COPA: variants seen among roughly 807,000 people sequenced by gnomAD.
The protein encoded by COPA is coatomer subunit alpha.
A neutral mutation model predicts 158.7 loss-of-function variants in COPA; 10 were observed. That is an observed-to-expected ratio of 0.06 (90% CI 0.04 to 0.11). The LOEUF is 0.11. Among genes scored for constraint, COPA ranks in the 10% least tolerant of loss-of-function variants. The pLI is 1.00. For synonymous variants in COPA, 462 were observed against 542.8 expected, an observed-to-expected ratio of 0.85 and a Z score of 2.07; for missense variants, 1,065 against 1,536.7, an observed-to-expected ratio of 0.69 and a Z score of 5.13.
Position 160,291,829 on chromosome 1 carries a change from C to A in COPA, c.3248G>T (p.Arg1083Leu), listed in dbSNP as rs141211632. Residue 1083 changes from arginine to leucine, a missense_variant, in exon 30 of 33, where the codon CGC becomes CTC. Coordinates refer to ENST00000241704, the MANE Select transcript of COPA (RefSeq NM_004371.4). ...TCCTATAGATCTTACCTCACAGATGCGCTTCTGCTGTTCTAGAGTCTCTTT... is the reference window on the plus strand; with the variant it reads ...TCCTATAGATCTTACCTCACAGATGAGCTTCTGCTGTTCTAGAGTCTCTTT... Reference protein sequence around the residue: ...LPKETLEQQKRICEMAAYFTH... With the variant: ...LPKETLEQQKLICEMAAYFTH... The A allele has an allele frequency of 7.6e-5, 122 of 1,613,942 alleles. No homozygotes were observed. Among genetic ancestry groups the A allele is most frequent in the Middle Eastern group, 6.6e-4 (4 of 6,084 alleles).
At chr1:160,294,398 T>C in intron 25 of COPA, 86 bp downstream of exon 25, 1 of 1,176,106 alleles carries the variant, frequency 8.5e-7, no homozygotes. Context: ...ATAGGAGACC[T>C]GAGGATAGTG....
chr1:160,323,344 A>G (rs1659388715), intron 8 of COPA, 87 bp downstream of exon 8: 3 of 944,280 alleles, frequency 3.2e-6, no homozygotes, highest in Non-Finnish European at 3.1e-6. Context: ...AGGTAGAAAA[A>G]TAGGTCAGAG....
intron 1 of COPA, among the ~76,000 whole-genome samples, chr1:160,342,211 G>C (rs923181375): frequency 1.3e-5 from 2 of 152,160 alleles, no homozygotes; most frequent in African/African-American, 4.8e-5. Flanking sequence ...AGTCATCCAA[G>C]TCACAGCTTG....
chr1:160,318,468 T>TTA (rs1659218473), intron 8 of COPA, among the ~76,000 whole-genome samples: 1 of 15,670 alleles, frequency 6.4e-5, no homozygotes, highest in Admixed American at 8.2e-4. Flanking sequence ...ACAATATTTG[T>TTA]AAAAAAAAAA....
chr1:160,311,209 G>A (rs1300722997), intron 11 of COPA, among the ~76,000 whole-genome samples: 2 of 151,986 alleles, frequency 1.3e-5, no homozygotes, highest in Non-Finnish European at 2.9e-5. Context: ...GGGAGGCCGA[G>A]GTGGGCGGAT....
chr1:160,312,384 C>T (rs983321788), intron 10 of COPA, among the ~76,000 whole-genome samples: 3 of 152,040 alleles, frequency 2.0e-5, no homozygotes, highest in African/African-American at 7.3e-5. Flanking sequence ...CCATCCTTCC[C>T]CAGTCTCTAG....
rs754847456 is a variant in COPA at position 160,335,293 on chromosome 1, A to C, written c.258T>G (p.Leu86=). 1 of 1,612,766 alleles carries C rather than the reference A, an allele frequency of 6.2e-7. No homozygotes were observed. The highest frequency in any genetic ancestry group is 1.1e-5 in the South Asian group (1 of 90,716). Reference sequence around the variant, plus strand: ...AATCTAAGTGCCCAAGCAATGTGAAAAGACAGCGCCGAAGCTTGTAATTCC... The same window carrying C: ...AATCTAAGTGCCCAAGCAATGTGAACAGACAGCGCCGAAGCTTGTAATTCC... ...KVWNYKLRRC[L]FTLLGHLDYI... Residue 86 remains leucine, a synonymous_variant, in exon 4 of 33, where the codon CTT becomes CTG. Transcript: ENST00000241704.
intron 5 of COPA, 123 bp from the exon 6 acceptor site, chr1:160,332,680 G>T: frequency 1.8e-6 from 1 of 570,472 alleles, no homozygotes; most frequent in Admixed American, 3.5e-5. Flanking sequence ...GACAAAGGCA[G>T]GTCATCCTAC....
rs993396919 is a variant in COPA at position 160,301,895 on chromosome 1, C to T, written c.1668-2631G>A. 7.9e-5 allele frequency among the ~76,000 whole-genome samples: 12 copies of T among 151,636 alleles called. No individual in the cohort carries two copies. The South Asian group carries it at 2.5e-3, about 32-fold the overall frequency. ...CTTAGCAAAAAGAAATAGCAAAATT[C>T]CTTCATAGAAAAGGGATATACATTT... On this transcript the variant is annotated intron_variant, in intron 17 of 32. Transcript: ENST00000241704.
intron 32 of COPA, 128 bp from the exon 33 acceptor site, chr1:160,290,344 G>A (rs1163039039): frequency 8.1e-6 from 11 of 1,357,482 alleles, no homozygotes; most frequent in South Asian, 4.0e-5. Flanking sequence ...GACTGGCCAA[G>A]AGCAGTGGGG....
At chr1:160,318,975 CA>C (rs140148350) in intron 8 of COPA, among the ~76,000 whole-genome samples, 5,023 of 147,714 alleles carry the variant, frequency 0.034, 272 homozygotes, top group African/African-American at 0.12. Flanking sequence ...AGAGAAGCCT[CA>C]AAAAAAAACA....
chr1:160,309,718 G>C (rs976181419), intron 12 of COPA, among the ~76,000 whole-genome samples: 1 of 149,938 alleles, frequency 6.7e-6, no homozygotes, highest in East Asian at 2.0e-4. Flanking sequence ...TGGCCACGAG[G>C]GCACTAAAAT....
Position 160,332,524 on chromosome 1 carries a change from A to G in COPA, c.420T>C (p.Cys140=). 1.2e-6 allele frequency: 2 copies of G among 1,613,538 alleles called. No homozygotes were observed. Among genetic ancestry groups the G allele is most frequent in the Non-Finnish European group, 1.7e-6 (2 of 1,179,896 alleles). The change falls in exon 6 of 33, where the codon TGT becomes TGC. Residue 140 remains cysteine (C), a synonymous_variant. Coordinates refer to ENST00000241704, the MANE Select transcript of COPA (RefSeq NM_004371.4). ...VLTGHNHYVM[C]AQFHPTEDLV... is the part of the protein sequence containing the mutation. ...AGTCTTCTGTGGGGTGGAACTGAGC[A>G]CACATCACATAATGGTTGTGCCCTG...
At chr1:160,301,467 T>C (rs1204344529) in intron 17 of COPA, among the ~76,000 whole-genome samples, 1 of 152,178 alleles carries the variant, frequency 6.6e-6, no homozygotes, top group Non-Finnish European at 1.5e-5. Context: ...TGCAGAAAAG[T>C]TATTTAATAA....
intron 1 of COPA, among the ~76,000 whole-genome samples, chr1:160,342,887 G>C (rs1648155815): frequency 6.6e-6 from 1 of 152,108 alleles, no homozygotes; most frequent in Admixed American, 6.6e-5. Flanking sequence ...AATAGGGAGG[G>C]GGTCTAAGGA....
intron 11 of COPA, among the ~76,000 whole-genome samples, chr1:160,310,689 T>TTTG (rs1658936735): frequency 6.6e-6 from 1 of 152,178 alleles, no homozygotes; most frequent in African/African-American, 2.4e-5. Context: ...AAAGGGTGGT[T>TTTG]ATCAAAACCT....
intron 1 of COPA, among the ~76,000 whole-genome samples, chr1:160,342,059 T>C (rs1416675546): frequency 6.6e-6 from 1 of 152,188 alleles, no homozygotes; most frequent in Non-Finnish European, 1.5e-5. Context: ...TATTCACACA[T>C]TGATAACAAC....
At chr1:160,310,015 AAT>A (rs1658913534) in intron 12 of COPA, among the ~76,000 whole-genome samples, 175 bp downstream of exon 12, 1 of 152,204 alleles carries the variant, frequency 6.6e-6, no homozygotes, top group Non-Finnish European at 1.5e-5. Context: ...ACAAATGCTC[AAT>A]ATGTTTACGA....
intron 14 of COPA, among the ~76,000 whole-genome samples, 176 bp from the exon 15 acceptor site, chr1:160,306,669 C>A (rs1195600661): frequency 6.6e-6 from 1 of 152,128 alleles, no homozygotes; most frequent in East Asian, 1.9e-4. Context: ...CTCTAAGGGC[C>A]TTAATACATT....
Sources: allele counts gnomAD v4.1 joint callset (sites outside exome capture counted in the v4.1 genomes callset), GRCh38; gene constraint gnomAD v4.1.1; transcripts MANE v1.5; gene names NCBI Gene and HGNC (gene_info 2026-07-23, HGNC 2026-07-21).